SORBS2: variants seen among roughly 807,000 people sequenced by gnomAD.
The protein encoded by SORBS2 is sorbin and SH3 domain containing 2.
Under a neutral mutation model 97.7 loss-of-function variants are expected in SORBS2, and 46 were observed. That is an observed-to-expected ratio of 0.47 (90% CI 0.37 to 0.60). The LOEUF is 0.60. Among genes scored for constraint, SORBS2 ranks in the 20% least tolerant of loss-of-function variants. The probability of loss-of-function intolerance (pLI) is 0.00; values close to 1 mark genes in which losing one functional copy is unlikely to be tolerated. For missense variants in SORBS2, 1,316 were observed against 1,282.3 expected (o/e 1.03, Z -0.40); for synonymous variants, 476 against 473.4 (o/e 1.01, Z -0.07).
chr4:185,868,806 A>T (rs555632102), intron 1 of SORBS2, among the ~76,000 whole-genome samples: 12 of 152,356 alleles, frequency 7.9e-5, no homozygotes, highest in South Asian at 4.1e-4. Context: ...TTTTTGAATC[A>T]GTAGAGAAAA....
chr4:185,758,434 G>C (rs1173856781), intron 2 of SORBS2, among the ~76,000 whole-genome samples: 2 of 152,066 alleles, frequency 1.3e-5, no homozygotes, highest in African/African-American at 4.8e-5. Flanking sequence ...CATTGATAGG[G>C]TTCTCCTCCT....
At chr4:185,838,890 T>C (rs1178311220) in intron 1 of SORBS2, among the ~76,000 whole-genome samples, 2 of 152,158 alleles carry the variant, frequency 1.3e-5, no homozygotes, top group Admixed American at 1.3e-4. Flanking sequence ...GTATCACGTA[T>C]GCTCACAAAG....
chr4:185,691,835 C>T (rs779325827), intron 2 of SORBS2, among the ~76,000 whole-genome samples: 1 of 152,048 alleles, frequency 6.6e-6, no homozygotes, highest in African/African-American at 2.4e-5. Context: ...AGCTCTGCCT[C>T]CCGGGCTCAC....
chr4:185,945,079 G>A (rs1456151403), intron 1 of SORBS2, among the ~76,000 whole-genome samples: 9 of 152,150 alleles, frequency 5.9e-5, no homozygotes, highest in Admixed American at 6.5e-5. Context: ...GCCAATGCCC[G>A]CCACGTTTTA....
chr4:185,855,506 G>C (rs900555548), intron 1 of SORBS2, among the ~76,000 whole-genome samples: 1 of 151,726 alleles, frequency 6.6e-6, no homozygotes, highest in African/African-American at 2.4e-5. Flanking sequence ...CATTTCATTA[G>C]GAGGCTCCTT....
At chr4:185,634,838 TGATACA>T (rs2096967799) in intron 4 of SORBS2, among the ~76,000 whole-genome samples, 1 of 152,160 alleles carries the variant, frequency 6.6e-6, no homozygotes, top group Admixed American at 6.5e-5. Flanking sequence ...TGGGAAGTTG[TGATACA>T]CAATTTCCAG....
chr4:185,600,621 C>A (rs1466824951), intron 12 of SORBS2, among the ~76,000 whole-genome samples: 1 of 152,170 alleles, frequency 6.6e-6, no homozygotes, highest in African/African-American at 2.4e-5. Flanking sequence ...TTACAGGTGT[C>A]AGCCACTGCG....
intron 1 of SORBS2, among the ~76,000 whole-genome samples, chr4:185,831,505 G>C (rs951564204): frequency 1.3e-5 from 2 of 152,214 alleles, no homozygotes; most frequent in Non-Finnish European, 2.9e-5. Flanking sequence ...GAACAAGGAA[G>C]ATGTTAGAAT....
chr4:185,866,110 T>C (rs1367729475), intron 1 of SORBS2, among the ~76,000 whole-genome samples: 1 of 152,232 alleles, frequency 6.6e-6, no homozygotes. Context: ...TTTCTAATTC[T>C]TGCATTGGTT....
intron 1 of SORBS2, among the ~76,000 whole-genome samples, chr4:185,804,917 C>T (rs1227656582): frequency 6.6e-6 from 1 of 151,952 alleles, no homozygotes; most frequent in East Asian, 1.9e-4. Context: ...CTCTTTCTGT[C>T]TTGAACTCTC....
intron 1 of SORBS2, among the ~76,000 whole-genome samples, chr4:185,928,570 G>C (rs2099264860): frequency 6.6e-6 from 1 of 151,976 alleles, no homozygotes; most frequent in Non-Finnish European, 1.5e-5. Flanking sequence ...TTTTGAGACG[G>C]AGTTTTGCTC....
intron 1 of SORBS2, among the ~76,000 whole-genome samples, chr4:185,836,169 G>C (rs374093623): frequency 6.6e-6 from 1 of 152,076 alleles, no homozygotes; most frequent in Non-Finnish European, 1.5e-5. Context: ...ATCAAGAACC[G>C]ATTTCTCATT....
chr4:185,845,464 C>T (rs2099214051), intron 1 of SORBS2, among the ~76,000 whole-genome samples: 1 of 152,102 alleles, frequency 6.6e-6, no homozygotes, highest in Admixed American at 6.5e-5. Flanking sequence ...AATCTGTAAA[C>T]CTTATAGAAG....
At chr4:185,727,628 C>T (rs1295432386) in intron 2 of SORBS2, among the ~76,000 whole-genome samples, 1 of 152,152 alleles carries the variant, frequency 6.6e-6, no homozygotes, top group Non-Finnish European at 1.5e-5. Context: ...AATAAATAGG[C>T]TTTCATTAGG....
chr4:185,611,714 G>T (rs2096541804), intron 12 of SORBS2, 66 bp downstream of exon 24: 27 of 1,267,636 alleles, frequency 2.1e-5, no homozygotes, highest in Non-Finnish European at 3.1e-5. Flanking sequence ...ATATCCTAAA[G>T]TCACACACCG....
intron 1 of SORBS2, among the ~76,000 whole-genome samples, chr4:185,908,296 T>TATATATATATATTTGTATACACACAA (rs2099252477): frequency 1.2e-4 from 10 of 81,294 alleles, no homozygotes; most frequent in African/African-American, 4.0e-4. Context: ...TATATATATA[T>TATATATATATATTTGTATACACACAA]ATATATATAT....
chr4:185,662,037 C>G (rs1261633923), intron 5 of SORBS2, 67 bp downstream of exon 8: 4 of 1,575,258 alleles, frequency 2.5e-6, no homozygotes, highest in Non-Finnish European at 3.5e-6. Context: ...TGCCGCATAT[C>G]TTTCTCCTGT....
At chr4:185,738,217 CAT>C (rs564408121) in intron 2 of SORBS2, among the ~76,000 whole-genome samples, 33 of 152,334 alleles carry the variant, frequency 2.2e-4, no homozygotes, top group Admixed American at 2.0e-3. Context: ...ATGACTGTGC[CAT>C]TAACCTTCCA....
In SORBS2 at chr4:185,808,147, T is replaced by C. The variant is rs957595346; in HGVS notation, c.-337-32781A>G. On this transcript the variant is annotated intron_variant, in intron 1 of 20. Transcript: ENST00000284776. ...AAAATCAGCTGGAAGATAGCCAAAA[T>C]AAGCTTTAAAGGACAGCATGATAAT... 2.1e-4 allele frequency among the ~76,000 whole-genome samples: 32 copies of C among 152,160 alleles called. 1 individual carries two copies. The highest frequency in any genetic ancestry group is 4.6e-4 in the Admixed American group (7 of 15,276).
Sources: allele counts gnomAD v4.1 joint callset (sites outside exome capture counted in the v4.1 genomes callset), GRCh38; gene constraint gnomAD v4.1.1; transcripts MANE v1.5; gene names NCBI Gene and HGNC (gene_info 2026-07-23, HGNC 2026-07-21).